The following GABRG3 variants were observed in gnomAD, a reference collection of about 807,000 sequenced individuals.
GABRG3 encodes gamma-aminobutyric acid receptor subunit gamma-3.
Under a neutral mutation model 48.8 loss-of-function variants are expected in GABRG3, and 25 were observed. That is an observed-to-expected ratio of 0.51 (90% CI 0.37 to 0.72). The LOEUF (loss-of-function observed/expected upper bound fraction) is 0.72, where lower values mean the gene tolerates loss of function less well. GABRG3 is among the 30% of genes least tolerant of loss of function. GABRG3 has a pLI of 0.00. For missense variants in GABRG3, 394 were observed against 577.9 expected (o/e 0.68, Z 3.26); for synonymous variants, 227 against 217.6 (o/e 1.04, Z -0.38).
intron 5 of GABRG3, among the ~76,000 whole-genome samples, chr15:27,410,335 A>T (rs892624579): frequency 2.8e-4 from 43 of 152,180 alleles, no homozygotes; most frequent in African/African-American, 9.9e-4. Context: ...CTCAATTTAT[A>T]AAAGATACTA....
chr15:27,199,380 GAA>G (rs1888609179), intron 3 of GABRG3, among the ~76,000 whole-genome samples: 1 of 152,098 alleles, frequency 6.6e-6, no homozygotes, highest in African/African-American at 2.4e-5. Flanking sequence ...GAGTATGAGC[GAA>G]AGAGAATGTG....
intron 3 of GABRG3, among the ~76,000 whole-genome samples, chr15:27,062,538 G>T (rs1417548708): frequency 6.6e-6 from 1 of 151,712 alleles, no homozygotes; most frequent in Non-Finnish European, 1.5e-5. Flanking sequence ...AACCTGGGAG[G>T]CAGAGGTTGC....
chr15:27,131,349 TTA>T (rs1897913441), intron 3 of GABRG3, among the ~76,000 whole-genome samples: 1 of 152,110 alleles, frequency 6.6e-6, no homozygotes, highest in Admixed American at 6.5e-5. Flanking sequence ...ATTGATTTTT[TTA>T]TGTCAAACTA....
At chr15:27,038,045 C>T (rs1896208685) in intron 3 of GABRG3, among the ~76,000 whole-genome samples, 1 of 152,166 alleles carries the variant, frequency 6.6e-6, no homozygotes, top group Admixed American at 6.5e-5. Flanking sequence ...AGCTGCTTAG[C>T]AAGGTCGAGA....
chr15:27,305,152 G>A (rs1037694698), intron 3 of GABRG3, among the ~76,000 whole-genome samples: 9 of 151,750 alleles, frequency 5.9e-5, no homozygotes, highest in African/African-American at 2.2e-4. Context: ...CAATGTCTCT[G>A]CATCATTAGT....
intron 5 of GABRG3, among the ~76,000 whole-genome samples, chr15:27,468,933 A>G (rs761736865): frequency 3.2e-4 from 49 of 152,356 alleles, no homozygotes; most frequent in Admixed American, 1.6e-3. Flanking sequence ...TTGCACCTCA[A>G]ACTGCAAAAG....
At position 26,974,843 on chromosome 15, in the gene GABRG3, T is replaced by TTTATTATTATTA. The variant is rs59391125; in HGVS notation, c.54-2123_54-2112dup. ...CAGATGACACGAAATATTTTTTAAA[T>TTTATTATTATTA]TTATTATTATTATTATTATTATTAT... On this transcript the variant is annotated intron_variant, in intron 1 of 9. Transcript: ENST00000615808. This position sits in a 1 kb window ranked among gnomAD's most constrained non-coding sequence, Gnocchi z 4.3. 1.3e-4 allele frequency among the ~76,000 whole-genome samples: 18 copies of TTTATTATTATTA among 140,862 alleles called. No homozygotes were observed. Among genetic ancestry groups the TTTATTATTATTA allele is most frequent in the East Asian group, 4.1e-4 (2 of 4,900 alleles). The allele number at this position is 140,862 out of a possible 152,430, so 92.4% of individuals were successfully genotyped here.
At chr15:27,456,459 A>G (rs1338927101) in intron 5 of GABRG3, among the ~76,000 whole-genome samples, 1 of 152,158 alleles carries the variant, frequency 6.6e-6, no homozygotes, top group African/African-American at 2.4e-5. Flanking sequence ...CACACCCCAA[A>G]TAAAGGCACT....
At chr15:27,465,359 GC>G (rs11368145) in intron 5 of GABRG3, among the ~76,000 whole-genome samples, 57,672 of 151,858 alleles carry the variant, frequency 0.38, 14,228 homozygotes, top group African/African-American at 0.69. Flanking sequence ...TAAGGTCTCT[GC>G]GTGACTAACC....
In GABRG3 at chr15:27,165,949, A is replaced by T. The variant is rs146067884; in HGVS notation, c.270+139128A>T. On this transcript the variant is annotated intron_variant, in intron 3 of 9. Transcript: ENST00000615808. ...AAGTCCAAGAAGTGAGAGATGTAAG[A>T]AGACATGCAAAGCTACAAAGCAGGG... Among the ~76,000 whole-genome samples, 341 of 152,232 alleles carry T rather than the reference A, an allele frequency of 2.2e-3. 1 individual carries two copies. The highest frequency in any genetic ancestry group is 7.7e-3 in the African/African-American group (322 of 41,554).
At chr15:27,394,314 A>G (rs913940261) in intron 5 of GABRG3, among the ~76,000 whole-genome samples, 1 of 152,166 alleles carries the variant, frequency 6.6e-6, no homozygotes, top group Non-Finnish European at 1.5e-5. Context: ...GCTCAAATTA[A>G]TACTAACTTT....
At chr15:27,481,404 T>A in intron 6 of GABRG3, 1 of 386,668 alleles carries the variant, frequency 2.6e-6, no homozygotes, top group Non-Finnish European at 3.5e-6. Flanking sequence ...TTTGGGTATT[T>A]AATTATTCCT....
chr15:27,200,876 A>C (rs1485987533), intron 3 of GABRG3, among the ~76,000 whole-genome samples: 1 of 151,962 alleles, frequency 6.6e-6, no homozygotes, highest in Non-Finnish European at 1.5e-5. Context: ...CTTCACTACA[A>C]ATTTTTTACT....
intron 2 of GABRG3, among the ~76,000 whole-genome samples, chr15:26,999,113 C>T (rs1335794291): frequency 3.7e-5 from 5 of 135,404 alleles, no homozygotes; most frequent in Admixed American, 2.2e-4. Flanking sequence ...TTAAACCAAC[C>T]ATGGGTAGAA....
At chr15:27,072,183 C>G (rs1318076796) in intron 3 of GABRG3, among the ~76,000 whole-genome samples, 1 of 152,160 alleles carries the variant, frequency 6.6e-6, no homozygotes, top group Non-Finnish European at 1.5e-5. Flanking sequence ...TGTGAGTCTT[C>G]TCATGGTCTG....
At chr15:27,027,612 C>T (rs1896007969) in intron 3 of GABRG3, among the ~76,000 whole-genome samples, 1 of 152,152 alleles carries the variant, frequency 6.6e-6, no homozygotes. Context: ...CTTTTCATTG[C>T]CAGATTTTAA....
chr15:27,190,846 T>C (rs1888273823), intron 3 of GABRG3, among the ~76,000 whole-genome samples: 2 of 152,204 alleles, frequency 1.3e-5, no homozygotes. Flanking sequence ...TCTTTCCTGC[T>C]TTCTCTCGTG....
chr15:27,213,383 T>C (rs1394420768), intron 3 of GABRG3, among the ~76,000 whole-genome samples: 2 of 152,250 alleles, frequency 1.3e-5, no homozygotes, highest in Non-Finnish European at 2.9e-5. Context: ...AGTGTTCAGA[T>C]GAAATGAGCT....
chr15:27,169,540 G>C (rs1887493770), intron 3 of GABRG3, among the ~76,000 whole-genome samples: 1 of 152,138 alleles, frequency 6.6e-6, no homozygotes, highest in African/African-American at 2.4e-5. Flanking sequence ...AGGCCGTGGT[G>C]ATGGGGATGT....
Sources: gnomAD v4.1 joint callset for allele counts (sites outside exome capture counted in the v4.1 genomes callset) on GRCh38, gnomAD v4.1.1 for gene constraint, Gnocchi (gnomAD v3.1) non-coding constraint, MANE v1.5 for transcripts, NCBI Gene and HGNC (gene_info 2026-07-23, HGNC 2026-07-21) for gene names.